Variants in ADAMTSL3 observed in about 807,000 individuals in gnomAD.
The protein encoded by ADAMTSL3 is ADAMTS like 3, also known as ADAMTS-like protein 3.
A neutral mutation model predicts 201.7 loss-of-function variants in ADAMTSL3; 128 were observed. The observed-to-expected ratio is 0.63, with a 90% CI of 0.55 to 0.73. The LOEUF is 0.73. ADAMTSL3 is among the 30% of genes least tolerant of loss of function. The probability of loss-of-function intolerance (pLI) is 0.00; values close to 1 mark genes in which losing one functional copy is unlikely to be tolerated. For synonymous variants in ADAMTSL3, 738 were observed against 748.4 expected (o/e 0.99, Z 0.23); for missense variants, 1,990 against 2,119.6 (o/e 0.94, Z 1.20).
In ADAMTSL3 at chr15:83,982,739, G is replaced by GA; in HGVS notation, c.3113dup (p.Asn1038LysfsTer2). The GA allele has an allele frequency of 1.9e-6, 3 of 1,614,022 alleles. No individual in the cohort carries two copies. Among genetic ancestry groups the GA allele is most frequent in the Non-Finnish European group, 1.7e-6 (2 of 1,180,030 alleles). On this transcript the variant is annotated frameshift_variant, in exon 21 of 30. Transcript: ENST00000286744. LOFTEE classifies it high-confidence loss of function. ...CATGGCACAAAATGAGGCAAATGTG[G>GA]AATAACAAAAATGACCTTTATCTGG...
intron 25 of ADAMTSL3, among the ~76,000 whole-genome samples, chr15:84,018,828 T>C (rs927173964): frequency 6.6e-6 from 1 of 152,146 alleles, no homozygotes; most frequent in South Asian, 2.1e-4. Flanking sequence ...TGATATGGCA[T>C]GATCTGCTTT....
chr15:83,729,325 C>T (rs2062229099), intron 3 of ADAMTSL3, among the ~76,000 whole-genome samples: 1 of 151,980 alleles, frequency 6.6e-6, no homozygotes, highest in Non-Finnish European at 1.5e-5. Flanking sequence ...CTGTTATTAT[C>T]CTTTTGAGTA....
intron 2 of ADAMTSL3, among the ~76,000 whole-genome samples, chr15:83,700,762 T>TA (rs1482446502): frequency 6.6e-6 from 1 of 151,992 alleles, no homozygotes; most frequent in Non-Finnish European, 1.5e-5. Flanking sequence ...AGACTCCGTC[T>TA]AAAAAAAATT....
chr15:83,773,533 A>G lies in ADAMTSL3; in HGVS notation c.200A>G (p.Asn67Ser). 1 of 1,614,038 alleles carries G rather than the reference A, an allele frequency of 6.2e-7. No individual in the cohort carries two copies. Among genetic ancestry groups the G allele is most frequent in the Non-Finnish European group, 8.5e-7 (1 of 1,179,958 alleles). Residue 67 changes from asparagine to serine, a missense_variant, in exon 4 of 30, where the codon AAC becomes AGC. Physicochemically the swap from Asn to Ser is conservative, Grantham distance 46. Transcript: ENST00000286744. The part of the protein sequence containing the change: ...TYRYDDQTSR[N>S]TRSDEDKDGN... ...CTTTTTAACATCTAGACCTCAAGAA[A>G]CACTCGTTCAGATGAAGACAAAGAT...
At chr15:83,722,621 C>G (rs147061250) in intron 3 of ADAMTSL3, among the ~76,000 whole-genome samples, 2 of 152,254 alleles carry the variant, frequency 1.3e-5, no homozygotes, top group East Asian at 3.9e-4. Flanking sequence ...TTTTAAAACA[C>G]TCTTCTGAAG....
At chr15:83,970,435 T>A (rs2067173972) in intron 19 of ADAMTSL3, 49 bp from the exon 20 acceptor site, 11 of 1,609,402 alleles carry the variant, frequency 6.8e-6, no homozygotes, top group Non-Finnish European at 9.3e-6. Flanking sequence ...GTTGGCTGGG[T>A]CTGCCTGCTC....
At chr15:83,948,447 G>C (rs1051973838) in intron 19 of ADAMTSL3, among the ~76,000 whole-genome samples, 7 of 96,138 alleles carry the variant, frequency 7.3e-5, no homozygotes, top group Admixed American at 2.7e-4. Context: ...CACACACACA[G>C]AGTTATGAAT....
intron 6 of ADAMTSL3, among the ~76,000 whole-genome samples, chr15:83,830,660 T>C (rs1207860111): frequency 6.6e-6 from 1 of 152,194 alleles, no homozygotes. Flanking sequence ...ACAAATTTGG[T>C]GGCTTAAAAC....
rs2068282686 is a variant in ADAMTSL3, at chr15:84,025,301, G to A, written c.4521G>A (p.Gln1507=). The A allele has an allele frequency of 1.2e-6, 2 of 1,614,122 alleles. No individual in the cohort carries two copies. The highest frequency in any genetic ancestry group is 1.7e-6 in the Non-Finnish European group (2 of 1,179,994). Residue 1507 remains glutamine (Q), a synonymous_variant, in exon 27 of 30, where the codon CAG becomes CAA. Transcript: ENST00000286744. ...GCGGTGAAGGATACCACAGTCGGCA[G>A]GTGACGTGCAAGCGGACAAAAGCCA... is the stretch of plus-strand genomic sequence containing the variant. ...VSCGEGYHSR[Q]VTCKRTKANG...
chr15:83,729,168 C>T (rs1437569553), intron 3 of ADAMTSL3, among the ~76,000 whole-genome samples: 1 of 151,972 alleles, frequency 6.6e-6, no homozygotes, highest in African/African-American at 2.4e-5. Context: ...CTCTTGCTGC[C>T]TTTAGGATCC....
At chr15:83,980,121 T>G (rs2067359193) in intron 20 of ADAMTSL3, among the ~76,000 whole-genome samples, 2 of 152,116 alleles carry the variant, frequency 1.3e-5, no homozygotes, top group Admixed American at 1.3e-4. Context: ...GAGTTGATAT[T>G]GAACCTGCAC....
At chr15:83,860,036 C>T (rs573116704) in intron 8 of ADAMTSL3, among the ~76,000 whole-genome samples, 95 of 152,060 alleles carry the variant, frequency 6.2e-4, no homozygotes, top group African/African-American at 1.7e-3. Flanking sequence ...GGCATAGTGG[C>T]GCACGCCTGT....
At chr15:84,025,102 G>C in intron 26 of ADAMTSL3, 136 bp from the exon 27 acceptor site, 1 of 668,848 alleles carries the variant, frequency 1.5e-6, no homozygotes, top group South Asian at 2.1e-5. Flanking sequence ...CATCTGTGCT[G>C]CTTCCCATTC....
chr15:83,794,993 C>G (rs564572918), intron 4 of ADAMTSL3, among the ~76,000 whole-genome samples: 3 of 152,136 alleles, frequency 2.0e-5, no homozygotes, highest in African/African-American at 7.2e-5. Context: ...GCTGGGATTA[C>G]AGGTGCACGC....
chr15:83,797,367 C>T (rs2063443052), intron 4 of ADAMTSL3, among the ~76,000 whole-genome samples: 1 of 152,080 alleles, frequency 6.6e-6, no homozygotes, highest in Non-Finnish European at 1.5e-5. Flanking sequence ...AATCCCAGCA[C>T]TTTGGGAGGC....
chr15:83,900,567 A>G (rs1240368333), intron 15 of ADAMTSL3, among the ~76,000 whole-genome samples: 1 of 152,252 alleles, frequency 6.6e-6, no homozygotes, highest in Admixed American at 6.5e-5. Flanking sequence ...CAGGCTGTCT[A>G]TGAAGAGAGC....
chr15:83,717,985 T>G (rs2062042965), intron 3 of ADAMTSL3, among the ~76,000 whole-genome samples: 1 of 152,156 alleles, frequency 6.6e-6, no homozygotes, highest in African/African-American at 2.4e-5. Context: ...TGAAAATCCG[T>G]ATTCTTGATA....
In ADAMTSL3 at chr15:83,977,253, A is replaced by G. The variant is rs889161017; in HGVS notation, c.2645-5020A>G. Among the ~76,000 whole-genome samples, 11 of 152,044 alleles carry G rather than the reference A, an allele frequency of 7.2e-5. No individual in the cohort carries two copies. In the Middle Eastern group the frequency reaches 0.01, roughly 141 times the overall value. ...TCATCCCAAAACCATCTAGCCCCCAATCCCCACCCCGACAACTGGTTTGTG... is the reference window on the plus strand; with the variant it reads ...TCATCCCAAAACCATCTAGCCCCCAGTCCCCACCCCGACAACTGGTTTGTG... On this transcript the variant is annotated intron_variant, in intron 20 of 29. Coordinates refer to ENST00000286744, the MANE Select transcript of ADAMTSL3 (RefSeq NM_207517.3).
At chr15:83,960,158 A>C (rs1379714601) in intron 19 of ADAMTSL3, among the ~76,000 whole-genome samples, 5 of 152,208 alleles carry the variant, frequency 3.3e-5, no homozygotes, top group Admixed American at 3.3e-4. Flanking sequence ...ATACTGAAAA[A>C]TAATAATAAT....
Sources: gnomAD v4.1 joint callset for allele counts (sites outside exome capture counted in the v4.1 genomes callset) on GRCh38, gnomAD v4.1.1 for gene constraint, MANE v1.5 for transcripts, NCBI Gene and HGNC (gene_info 2026-07-23, HGNC 2026-07-21) for gene names.